The following PRKG1 variants were observed in gnomAD, a reference collection of about 807,000 sequenced individuals.
PRKG1 encodes cGMP-dependent protein kinase 1.
PRKG1 carries 35 observed loss-of-function variants against 88.1 expected under a neutral mutation model. The observed-to-expected ratio is 0.40, with a 90% CI of 0.30 to 0.53. The LOEUF (loss-of-function observed/expected upper bound fraction) is 0.53. Ranked by LOEUF, PRKG1 falls within the 20% of genes least tolerant of loss-of-function variation. The pLI, the probability that PRKG1 is intolerant of heterozygous loss-of-function variation, is 0.59. For missense variants in PRKG1, 540 were observed against 839.8 expected, an observed-to-expected ratio of 0.64 and a Z score of 4.41; for synonymous variants, 303 against 292.5, an observed-to-expected ratio of 1.04 and a Z score of -0.37.
chr10:51,942,557 G>A (rs1842933242), intron 5 of PRKG1, among the ~76,000 whole-genome samples: 1 of 148,800 alleles, frequency 6.7e-6, no homozygotes, highest in Admixed American at 6.7e-5. Flanking sequence ...TAATGCCTAG[G>A]TTTTCTTCTA....
rs1839329606 is a variant in PRKG1 at position 52,190,287 on chromosome 10, A to T, written c.1076+28324A>T. On this transcript the variant is annotated intron_variant, in intron 9 of 17. Transcript: ENST00000373980. The stretch of plus-strand genomic sequence containing the variant: ...TTAAAATGCTCAAGTAATTGAAATG[A>T]CACAAATCCCAAAGAATATGGAAAA... 2.0e-5 allele frequency among the ~76,000 whole-genome samples: 3 copies of T among 152,338 alleles called. No individual in the cohort carries two copies. In the South Asian group the frequency reaches 6.2e-4, roughly 32 times the overall value.
chr10:52,079,681 T>C (rs906555935), intron 7 of PRKG1, among the ~76,000 whole-genome samples: 2 of 152,162 alleles, frequency 1.3e-5, no homozygotes, highest in East Asian at 1.9e-4. Flanking sequence ...GGGCTACTCA[T>C]GGTTTGTTAG....
chr10:51,243,329 A>G (rs1839202794), intron 2 of PRKG1, among the ~76,000 whole-genome samples: 1 of 152,200 alleles, frequency 6.6e-6, no homozygotes, highest in Non-Finnish European at 1.5e-5. Context: ...AGGTCTGTTC[A>G]CCACCACTGG....
chr10:52,144,850 TTAGTC>T (rs1837688991), intron 8 of PRKG1, among the ~76,000 whole-genome samples: 1 of 151,984 alleles, frequency 6.6e-6, no homozygotes, highest in African/African-American at 2.4e-5. Flanking sequence ...TAAATAAACT[TTAGTC>T]TAAAGTAGAT....
At position 52,244,865 on chromosome 10, in the gene PRKG1, A is replaced by C. The variant is rs930374656; in HGVS notation, c.1077-6705A>C. Among the ~76,000 whole-genome samples, 58 of 117,668 alleles carry C rather than the reference A, an allele frequency of 4.9e-4. 2 individuals are homozygous for C. Among genetic ancestry groups the C allele is most frequent in the African/African-American group, 2.0e-3 (54 of 26,532 alleles). 77.2% of individuals were successfully genotyped at this position (117,668 alleles called of 152,430 possible). A position where few individuals can be genotyped will look rare whatever the true frequency, so the allele number is the denominator to read the frequency against. ...ATATTTAAATATTTTTATATATTTA[A>C]ATATTATAAAATATTTAAATAATAC... On this transcript the variant is annotated intron_variant, in intron 9 of 17. Coordinates refer to ENST00000373980, the MANE Select transcript of PRKG1 (RefSeq NM_006258.4).
intron 5 of PRKG1, among the ~76,000 whole-genome samples, chr10:51,926,078 A>C (rs1477908116): frequency 6.6e-6 from 1 of 152,190 alleles, no homozygotes; most frequent in Non-Finnish European, 1.5e-5. Flanking sequence ...TGAAATGACA[A>C]CATGATATGG....
rs143027919 is a variant in PRKG1, at chr10:51,637,460, C to T, written c.593-167125C>T. On this transcript the variant is annotated intron_variant, in intron 3 of 17. Coordinates refer to ENST00000373980, the MANE Select transcript of PRKG1 (RefSeq NM_006258.4). Reference sequence around the variant, plus strand: ...CATAAATCATTCTATTATAAAGATACGCATATGTATGCGTTCATTGCAGTA... The same window carrying T: ...CATAAATCATTCTATTATAAAGATATGCATATGTATGCGTTCATTGCAGTA... Among the ~76,000 whole-genome samples, 903 of 152,238 alleles carry T rather than the reference C, an allele frequency of 5.9e-3. 8 individuals carry two copies. The highest frequency in any genetic ancestry group is 0.019 in the African/African-American group (790 of 41,526).
intron 3 of PRKG1, among the ~76,000 whole-genome samples, chr10:51,695,241 T>C (rs1036253851): frequency 1.3e-5 from 2 of 152,140 alleles, no homozygotes; most frequent in Non-Finnish European, 2.9e-5. Flanking sequence ...CTGGGGAACA[T>C]AAGCTTAATA....
At position 51,363,932 on chromosome 10, in the gene PRKG1, C is replaced by T. The variant is rs144352253; in HGVS notation, c.479-103791C>T. Among the ~76,000 whole-genome samples, 662 of 151,962 alleles carry T rather than the reference C, an allele frequency of 4.4e-3. 6 individuals are homozygous for T. The highest frequency in any genetic ancestry group is 0.016 in the African/African-American group (646 of 41,480). On this transcript the variant is annotated intron_variant, in intron 2 of 17. Transcript: ENST00000373980. The stretch of plus-strand genomic sequence containing the variant: ...ATAATAATCAAAATAAGTCAAATAG[C>T]TTTGTTCTGTACAAATGGAAATTTG...
intron 7 of PRKG1, chr10:52,128,657 G>A (rs917503705): frequency 1.2e-6 from 1 of 828,326 alleles, no homozygotes; most frequent in Non-Finnish European, 1.5e-6. Flanking sequence ...TTAAAAAGAG[G>A]CCACTACTAA....
chr10:52,271,316 G>A, intron 10 of PRKG1, 34 bp from the exon 11 acceptor site: 3 of 1,603,212 alleles, frequency 1.9e-6, no homozygotes, highest in South Asian at 1.1e-5. Flanking sequence ...CAAGTCTATG[G>A]GCTTTTTCTT....
chr10:52,128,370 G>GTA, intron 7 of PRKG1: 1 of 985,346 alleles, frequency 1.0e-6, no homozygotes, highest in South Asian at 4.7e-5. Context: ...TTCCCCTGAG[G>GTA]TATCAATGAA....
chr10:52,164,133 C>A (rs548075508), intron 9 of PRKG1, among the ~76,000 whole-genome samples: 56 of 152,068 alleles, frequency 3.7e-4, no homozygotes, highest in African/African-American at 1.3e-3. Flanking sequence ...GGAAGATCAC[C>A]TGAGGTCAGG....
intron 3 of PRKG1, among the ~76,000 whole-genome samples, chr10:51,597,173 G>T (rs1323809624): frequency 2.7e-5 from 4 of 148,264 alleles, no homozygotes; most frequent in African/African-American, 4.9e-5. Flanking sequence ...TCTAGAGTTT[G>T]TTTTTTTTTT....
chr10:51,932,336 C>T (rs912624645), intron 5 of PRKG1, among the ~76,000 whole-genome samples: 1 of 151,746 alleles, frequency 6.6e-6, no homozygotes, highest in African/African-American at 2.4e-5. Context: ...CAGTATTGAC[C>T]CCAAATGTCC....
rs1055355483 is a variant in PRKG1 at position 51,941,204 on chromosome 10, T to A, written c.762+33634T>A. On this transcript the variant is annotated intron_variant, in intron 5 of 17. Transcript: ENST00000373980. ...TTCTTTTGTTCCATGTATTTTCTTA[T>A]GCTTTCTTTTAAACAAATTTAAAAT... Among the ~76,000 whole-genome samples the A allele has an allele frequency of 1.3e-4, 20 of 152,072 alleles. No homozygotes were observed. In the East Asian group the frequency reaches 2.3e-3, roughly 18 times the overall value.
At chr10:51,527,643 A>G (rs1841915738) in intron 3 of PRKG1, among the ~76,000 whole-genome samples, 1 of 152,208 alleles carries the variant, frequency 6.6e-6, no homozygotes, top group South Asian at 2.1e-4. Context: ...AGTGTTCTAG[A>G]CGTTATAGAG....
intron 9 of PRKG1, among the ~76,000 whole-genome samples, chr10:52,199,083 C>A (rs777559893): frequency 2.2e-5 from 1 of 44,522 alleles, no homozygotes; most frequent in African/African-American, 8.9e-5. Flanking sequence ...TTCCAACCAT[C>A]CTTGCTCTTT....
At chr10:52,152,043 C>T (rs1352117667) in intron 8 of PRKG1, among the ~76,000 whole-genome samples, 1 of 152,122 alleles carries the variant, frequency 6.6e-6, no homozygotes, top group African/African-American at 2.4e-5. Flanking sequence ...GCTAGGCATT[C>T]ATTTTAACTA....
Sources: allele counts gnomAD v4.1 joint callset (sites outside exome capture counted in the v4.1 genomes callset), GRCh38; gene constraint gnomAD v4.1.1; transcripts MANE v1.5; gene names NCBI Gene and HGNC (gene_info 2026-07-23, HGNC 2026-07-21).